The following ETS1 variants were observed in gnomAD, a reference collection of about 807,000 sequenced individuals.
ETS1 encodes ETS proto-oncogene 1, transcription factor, also known as protein C-ets-1.
Under a neutral mutation model 58.6 loss-of-function variants are expected in ETS1, and 15 were observed. That is an observed-to-expected ratio of 0.26 (90% CI 0.17 to 0.39). The LOEUF (loss-of-function observed/expected upper bound fraction) is 0.39, where lower values mean the gene tolerates loss of function less well. Ranked by LOEUF, ETS1 falls within the 10% of genes least tolerant of loss-of-function variation. The probability of loss-of-function intolerance (pLI) is 1.00; values close to 1 mark genes in which losing one functional copy is unlikely to be tolerated. For missense variants in ETS1, 417 were observed against 610.5 expected (o/e 0.68, Z 3.34); for synonymous variants, 214 against 218.2 (o/e 0.98, Z 0.17).
intron 3 of ETS1, among the ~76,000 whole-genome samples, chr11:128,554,637 A>T (rs1347203549): frequency 2.0e-5 from 3 of 152,044 alleles, no homozygotes; most frequent in Non-Finnish European, 2.9e-5. Flanking sequence ...AAGAAGAGAC[A>T]TTCTGATCTT....
chr11:128,466,345 C>T (rs1862034653), intron 8 of ETS1, among the ~76,000 whole-genome samples: 1 of 152,162 alleles, frequency 6.6e-6, no homozygotes, highest in Non-Finnish European at 1.5e-5. Flanking sequence ...GAGATCCTTC[C>T]CCCGGATGAG....
intron 2 of ETS1, chr11:128,571,888 C>A (rs1442013410): frequency 6.6e-6 from 1 of 151,758 alleles, no homozygotes; most frequent in Non-Finnish European, 1.5e-5. Flanking sequence ...ACTAAAAATA[C>A]AAAAAATTAG....
intron 1 of ETS1, among the ~76,000 whole-genome samples, chr11:128,577,915 C>CAAAAAACAA (rs1864784812): frequency 7.5e-6 from 1 of 133,718 alleles, no homozygotes. Context: ...GCCAAAAAGC[C>CAAAAAACAA]AAAAAAAAAA....
intron 5 of ETS1, 47 bp downstream of exon 5, chr11:128,489,243 C>G: frequency 6.4e-7 from 1 of 1,565,074 alleles, no homozygotes. Context: ...CCTACTCTCA[C>G]AGCAACCCCA....
intron 3 of ETS1, among the ~76,000 whole-genome samples, chr11:128,540,336 AAAG>A (rs1338949029): frequency 6.6e-6 from 1 of 151,692 alleles, no homozygotes; most frequent in Non-Finnish European, 1.5e-5. Context: ...AAAAAAAAAA[AAAG>A]AAGAAGAAGA....
chr11:128,475,786 C>T (rs930482221), intron 8 of ETS1, among the ~76,000 whole-genome samples: 3 of 152,084 alleles, frequency 2.0e-5, no homozygotes, highest in Admixed American at 2.0e-4. Flanking sequence ...CTCCTGACCT[C>T]ATGATCTGCC....
intron 3 of ETS1, among the ~76,000 whole-genome samples, chr11:128,529,405 G>A (rs1591645061): frequency 6.6e-6 from 1 of 152,194 alleles, no homozygotes; most frequent in South Asian, 2.1e-4. Context: ...ATCAAATGGA[G>A]CTGCTACAAT....
chr11:128,552,644 T>A (rs1864248776), intron 3 of ETS1, among the ~76,000 whole-genome samples: 1 of 152,264 alleles, frequency 6.6e-6, no homozygotes, highest in Non-Finnish European at 1.5e-5. Flanking sequence ...TATTTTCTGA[T>A]ATGAACTATG....
chr11:128,540,336 A>AAG (rs1555085204), intron 3 of ETS1, among the ~76,000 whole-genome samples: 1 of 151,578 alleles, frequency 6.6e-6, no homozygotes, highest in Non-Finnish European at 1.5e-5. Flanking sequence ...AAAAAAAAAA[A>AAG]AAGAAGAAGA....
intron 2 of ETS1, among the ~76,000 whole-genome samples, chr11:128,565,061 A>AAATAAATAAAT (rs1864469901): frequency 4.9e-5 from 2 of 40,502 alleles, no homozygotes; most frequent in Non-Finnish European, 1.2e-4. Context: ...AATAAATAAA[A>AAATAAATAAAT]TAAATGTGTT....
At chr11:128,490,242 C>T (rs1215732049) in intron 4 of ETS1, among the ~76,000 whole-genome samples, 1 of 152,156 alleles carries the variant, frequency 6.6e-6, no homozygotes, top group East Asian at 1.9e-4. Flanking sequence ...GTTTGAGGAC[C>T]ACTGTCTTCA....
chr11:128,563,586 C>T (rs1864440231), intron 2 of ETS1, among the ~76,000 whole-genome samples: 2 of 152,194 alleles, frequency 1.3e-5, no homozygotes, highest in East Asian at 1.9e-4. Context: ...CACATTCTTT[C>T]TCCTGACCTT....
chr11:128,575,560 T>A (rs1335030959), intron 1 of ETS1, among the ~76,000 whole-genome samples: 2 of 152,214 alleles, frequency 1.3e-5, no homozygotes, highest in African/African-American at 2.4e-5. Context: ...AAACAAGGAT[T>A]CCTGACCTCA....
intron 3 of ETS1, among the ~76,000 whole-genome samples, chr11:128,496,488 A>G (rs1862944949): frequency 6.6e-6 from 1 of 152,200 alleles, no homozygotes; most frequent in Non-Finnish European, 1.5e-5. Flanking sequence ...AACTGCCGAC[A>G]ACAAGTCCCA....
chr11:128,485,406 T>C (rs901830939), intron 6 of ETS1, among the ~76,000 whole-genome samples: 1 of 152,172 alleles, frequency 6.6e-6, no homozygotes, highest in Middle Eastern at 3.2e-3. Context: ...GAGTAGTTAA[T>C]ATCATTGTGT....
chr11:128,508,180 A>G (rs1019766218), intron 3 of ETS1, among the ~76,000 whole-genome samples: 13 of 152,200 alleles, frequency 8.5e-5, no homozygotes, highest in African/African-American at 2.9e-4. Context: ...TAGTAACCAC[A>G]GTTTTAACAA....
chr11:128,503,370 G>A (rs932661623), intron 3 of ETS1, among the ~76,000 whole-genome samples: 20 of 152,240 alleles, frequency 1.3e-4, no homozygotes, highest in African/African-American at 3.9e-4. Context: ...GATGCATCAC[G>A]TTCCTTCCCC....
At chr11:128,484,322 A>G (rs1862566931) in intron 7 of ETS1, among the ~76,000 whole-genome samples, 1 of 152,126 alleles carries the variant, frequency 6.6e-6, no homozygotes, top group Non-Finnish European at 1.5e-5. Flanking sequence ...CCAAACCGAA[A>G]AAGTCACAGG....
rs568161310 is a variant in ETS1 at position 128,463,204 on chromosome 11, C to A, written c.1242+305G>T. 6.6e-6 allele frequency among the ~76,000 whole-genome samples: 1 copy of A among 152,332 alleles called. No homozygotes were observed. The highest frequency in any genetic ancestry group is 2.4e-5 in the African/African-American group (1 of 41,584). ...CTGGCCCCTTTCACACTCACAGAGC[C>A]ACCGGGCTAGGAAGAGGCTAAGTCA... is the stretch of plus-strand genomic sequence containing the variant. On this transcript the variant is annotated intron_variant, in intron 9 of 9. Coordinates refer to ENST00000392668, the MANE Select transcript of ETS1 (RefSeq NM_001143820.2). This position sits in a 1 kb window ranked among gnomAD's most constrained non-coding sequence, Gnocchi z 4.1.
Sources: allele counts gnomAD v4.1 joint callset (sites outside exome capture counted in the v4.1 genomes callset), GRCh38; gene constraint gnomAD v4.1.1; non-coding constraint Gnocchi (gnomAD v3.1); transcripts MANE v1.5; gene names NCBI Gene and HGNC (gene_info 2026-07-23, HGNC 2026-07-21).